Variants in EYS observed in about 807,000 individuals in gnomAD.
EYS encodes the protein EGF-like photoreceptor maintenance factor, also known as protein eyes shut homolog.
A neutral mutation model predicts 282.1 loss-of-function variants in EYS; 250 were observed. That is an observed-to-expected ratio of 0.89 (90% CI 0.80 to 0.98). EYS has a LOEUF of 0.98. Among genes scored for constraint, EYS ranks in the 50% least tolerant of loss-of-function variants. EYS has a pLI of 0.00. For synonymous variants in EYS, 1,355 were observed against 1,282.9 expected (o/e 1.06, Z -1.20); for missense variants, 4,016 against 3,709.0 (o/e 1.08, Z -2.15).
intron 22 of EYS, among the ~76,000 whole-genome samples, chr6:64,798,779 G>T (rs1025093578): frequency 1.3e-5 from 2 of 151,648 alleles, no homozygotes; most frequent in African/African-American, 2.4e-5. Flanking sequence ...AAATGCTCAG[G>T]ATATTTTTGC....
In EYS at chr6:64,337,666, G is replaced by C. The variant is rs973507376; in HGVS notation, c.6079-30584C>G. Among the ~76,000 whole-genome samples the C allele has an allele frequency of 6.6e-5, 10 of 151,906 alleles. No homozygotes were observed. In the East Asian group the frequency reaches 1.2e-3, roughly 18 times the overall value. On this transcript the variant is annotated intron_variant, in intron 29 of 42. Coordinates refer to ENST00000503581, the MANE Select transcript of EYS (RefSeq NM_001142800.2). ...CATCTTAATCCCAAAACCAGGAAAG[G>C]ACATAACCAAAAAAGAAAACTACAG...
At chr6:64,465,282 C>T (rs78821180) in intron 26 of EYS, among the ~76,000 whole-genome samples, 1 of 152,072 alleles carries the variant, frequency 6.6e-6, no homozygotes, top group South Asian at 2.1e-4. Context: ...TGTGGAGCCA[C>T]AAGAAAAATC....
chr6:64,842,631 G>A (rs1328170758), intron 19 of EYS, among the ~76,000 whole-genome samples: 2 of 152,100 alleles, frequency 1.3e-5, no homozygotes, highest in Non-Finnish European at 2.9e-5. Flanking sequence ...CTCGGATGGA[G>A]ATGAGGAACT....
chr6:64,007,983 C>G (rs1768430660), intron 33 of EYS, among the ~76,000 whole-genome samples: 1 of 152,060 alleles, frequency 6.6e-6, no homozygotes, highest in South Asian at 2.1e-4. Context: ...GTGGAGATAT[C>G]TGTTAGGTCC....
intron 2 of EYS, among the ~76,000 whole-genome samples, chr6:65,524,663 C>T (rs1767491205): frequency 6.6e-6 from 1 of 152,126 alleles, no homozygotes; most frequent in Non-Finnish European, 1.5e-5. Flanking sequence ...GTTTCACTGC[C>T]ACACTTCATT....
intron 22 of EYS, among the ~76,000 whole-genome samples, chr6:64,689,161 T>C (rs1211987301): frequency 3.3e-5 from 5 of 152,138 alleles, no homozygotes; most frequent in African/African-American, 4.8e-5. Context: ...ATCACAAGCA[T>C]TCCTATACAC....
chr6:63,988,238 T>C (rs1482454), intron 34 of EYS, among the ~76,000 whole-genome samples: 57,313 of 151,412 alleles, frequency 0.38, 11,132 homozygotes, highest in African/African-American at 0.46. Flanking sequence ...TTCCTCTCAC[T>C]GAGGATCTCT....
At chr6:63,916,075 T>A (rs745879253) in intron 35 of EYS, among the ~76,000 whole-genome samples, 1 of 152,136 alleles carries the variant, frequency 6.6e-6, no homozygotes, top group Admixed American at 6.5e-5. Flanking sequence ...TACAAAGAAA[T>A]GTTTCTTAAA....
At chr6:64,998,263 A>T (rs570326077) in intron 13 of EYS, among the ~76,000 whole-genome samples, 1 of 152,226 alleles carries the variant, frequency 6.6e-6, no homozygotes, top group African/African-American at 2.4e-5. Flanking sequence ...ACCATTAATG[A>T]TGAAAAAGAA....
intron 13 of EYS, among the ~76,000 whole-genome samples, chr6:65,013,333 T>G (rs529990546): frequency 6.6e-6 from 1 of 152,322 alleles, no homozygotes; most frequent in Admixed American, 6.5e-5. Flanking sequence ...CATGTTGATT[T>G]GTACATGAAT....
At chr6:64,128,259 C>A (rs1040167535) in intron 31 of EYS, among the ~76,000 whole-genome samples, 11 of 152,078 alleles carry the variant, frequency 7.2e-5, no homozygotes, top group Non-Finnish European at 1.3e-4. Flanking sequence ...ATTGCACTTG[C>A]AATTTTGTGC....
chr6:64,314,216 A>AAAAC (rs1769844402), intron 29 of EYS, among the ~76,000 whole-genome samples: 1 of 150,080 alleles, frequency 6.7e-6, no homozygotes, highest in Non-Finnish European at 1.5e-5. Context: ...AAAAAAAAAA[A>AAAAC]AAGCAGGGGT....
At chr6:65,271,947 A>G (rs1329372057) in intron 12 of EYS, among the ~76,000 whole-genome samples, 1 of 152,142 alleles carries the variant, frequency 6.6e-6, no homozygotes, top group African/African-American at 2.4e-5. Context: ...CAGTTGAAGG[A>G]GAAAATCCTG....
chr6:64,668,590 C>T (rs2149894117), intron 22 of EYS, among the ~76,000 whole-genome samples: 1 of 142,708 alleles, frequency 7.0e-6, no homozygotes, highest in East Asian at 2.2e-4. Flanking sequence ...CGCTCTGTCG[C>T]CCAGGCTGGA....
At chr6:65,097,236 A>G (rs1774764131) in intron 12 of EYS, among the ~76,000 whole-genome samples, 1 of 151,182 alleles carries the variant, frequency 6.6e-6, no homozygotes, top group African/African-American at 2.4e-5. Context: ...CAACAGGTAT[A>G]TGAAAAAATG....
intron 12 of EYS, among the ~76,000 whole-genome samples, chr6:65,185,998 A>T (rs1172543782): frequency 6.6e-6 from 1 of 151,570 alleles, no homozygotes; most frequent in African/African-American, 2.4e-5. Flanking sequence ...CAAGCACTTT[A>T]CAAATTACTT....
chr6:64,722,457 C>G (rs1771616034), intron 22 of EYS, among the ~76,000 whole-genome samples: 1 of 148,132 alleles, frequency 6.8e-6, no homozygotes, highest in South Asian at 2.1e-4. Context: ...AATGTGAAAA[C>G]AAAGCAAAGG....
chr6:65,591,394 G>A (rs1454638377), intron 2 of EYS, among the ~76,000 whole-genome samples: 3 of 151,814 alleles, frequency 2.0e-5, no homozygotes, highest in African/African-American at 7.3e-5. Context: ...GTGCCTGTGT[G>A]TGTTTCTCAT....
At position 65,344,068 on chromosome 6, in the gene EYS, T is replaced by A. The variant is rs776465439; in HGVS notation, c.1569A>T (p.Ser523=). 3 of 1,610,954 alleles carry A rather than the reference T, an allele frequency of 1.9e-6. No individual in the cohort carries two copies. The highest frequency in any genetic ancestry group is 1.7e-4 in the Middle Eastern group (1 of 5,914). ...YVNDPEDNNS[S]CWFPHEGTKE... Reference sequence around the variant, plus strand: ...TTGTGCCTTCATGTGGGAACCAACATGAAGAATTATTATCTTCAGGATCGT... The same window carrying A: ...TTGTGCCTTCATGTGGGAACCAACAAGAAGAATTATTATCTTCAGGATCGT... The change falls in exon 10 of 43, where the codon TCA becomes TCT. Residue 523 remains serine, a synonymous_variant. Coordinates refer to ENST00000503581, the MANE Select transcript of EYS (RefSeq NM_001142800.2).
Sources: allele counts gnomAD v4.1 joint callset (sites outside exome capture counted in the v4.1 genomes callset), GRCh38; gene constraint gnomAD v4.1.1; transcripts MANE v1.5; gene names NCBI Gene and HGNC (gene_info 2026-07-23, HGNC 2026-07-21).